The following KIF26B variants were observed in gnomAD, a reference collection of about 807,000 sequenced individuals.
The protein encoded by KIF26B is kinesin-like protein KIF26B.
A neutral mutation model predicts 151.2 loss-of-function variants in KIF26B; 63 were observed. That is an observed-to-expected ratio of 0.42 (90% CI 0.34 to 0.51). KIF26B has a LOEUF of 0.51. Ranked by LOEUF, KIF26B falls within the 20% of genes least tolerant of loss-of-function variation. The pLI is 0.07. For synonymous variants in KIF26B, 1,357 were observed against 1,262.1 expected, an observed-to-expected ratio of 1.08 and a Z score of -1.59; for missense variants, 2,813 against 2,913.6, an observed-to-expected ratio of 0.97 and a Z score of 0.79.
chr1:245,233,539 AG>A (rs1228957983), intron 2 of KIF26B, among the ~76,000 whole-genome samples: 1 of 152,202 alleles, frequency 6.6e-6, no homozygotes, highest in Non-Finnish European at 1.5e-5. Context: ...GAAGATACCC[AG>A]GTGACTTGTA....
intron 2 of KIF26B, among the ~76,000 whole-genome samples, chr1:245,264,098 C>T (rs1445549602): frequency 2.6e-5 from 4 of 152,154 alleles, no homozygotes; most frequent in Non-Finnish European, 5.9e-5. Flanking sequence ...TTGCTAGACA[C>T]AATAGTGTAT....
chr1:245,394,485 T>A (rs1382139865), intron 3 of KIF26B, among the ~76,000 whole-genome samples: 7 of 151,918 alleles, frequency 4.6e-5, no homozygotes, highest in Admixed American at 4.6e-4. Flanking sequence ...TAACCAGGCG[T>A]GGTGGCACAG....
chr1:245,596,077 C>T (rs1014628577), intron 5 of KIF26B, among the ~76,000 whole-genome samples: 10 of 152,126 alleles, frequency 6.6e-5, no homozygotes, highest in East Asian at 5.8e-4. Flanking sequence ...GTCTGGCTAG[C>T]GGTCTATTTT....
chr1:245,256,126 G>A (rs996908037), intron 2 of KIF26B, among the ~76,000 whole-genome samples: 37 of 152,220 alleles, frequency 2.4e-4, no homozygotes, highest in African/African-American at 8.2e-4. Flanking sequence ...GCCCTTCTCA[G>A]CTGTGTGACT....
intron 4 of KIF26B, among the ~76,000 whole-genome samples, chr1:245,517,095 G>A (rs758959245): frequency 3.9e-5 from 6 of 152,238 alleles, no homozygotes; most frequent in Non-Finnish European, 8.8e-5. Flanking sequence ...GCCGGGTGTG[G>A]TGGCTCACAC....
intron 2 of KIF26B, among the ~76,000 whole-genome samples, chr1:245,199,129 G>A (rs1233500164): frequency 6.6e-6 from 1 of 152,032 alleles, no homozygotes; most frequent in Non-Finnish European, 1.5e-5. Context: ...CAGAGCTAAG[G>A]CAAGACGCAG....
chr1:245,686,227 C>A lies in KIF26B; in HGVS notation c.3244C>A (p.Pro1082Thr). 1 of 1,612,730 alleles carries A rather than the reference C, an allele frequency of 6.2e-7. No homozygotes were observed. The highest frequency in any genetic ancestry group is 8.5e-7 in the Non-Finnish European group (1 of 1,179,900). ...GTCCAAGACCTCGGAGTACAAGCCA[C>A]CCAGCTCTCCTTCCCAGAGATGCAA... The part of the protein sequence containing the change: ...SLSKTSEYKP[P>T]SSPSQRCKVY... The change falls in exon 12 of 15, where the codon CCC becomes ACC. Residue 1082 changes from proline (P) to threonine (T), a missense_variant. Physicochemically the swap from Pro to Thr is conservative, Grantham distance 38 (BLOSUM62 -1). Coordinates refer to ENST00000407071, the MANE Select transcript of KIF26B (RefSeq NM_018012.4). The surrounding 1 kb of genome is among the most constrained non-coding windows in gnomAD (Gnocchi z 5.6).
chr1:245,556,830 TCCCCAGCCAAGC>T (rs1353551002), intron 5 of KIF26B, among the ~76,000 whole-genome samples: 1 of 152,152 alleles, frequency 6.6e-6, no homozygotes. Flanking sequence ...CAAGCCACCA[TCCCCAGCCAAGC>T]ACATTAATCT....
At chr1:245,475,978 T>C (rs1213039698) in intron 4 of KIF26B, among the ~76,000 whole-genome samples, 2 of 151,790 alleles carry the variant, frequency 1.3e-5, no homozygotes, top group East Asian at 1.9e-4. Flanking sequence ...GCAGCGTTAG[T>C]CAAAATAGCC....
intron 2 of KIF26B, among the ~76,000 whole-genome samples, chr1:245,207,600 C>T (rs73127123): frequency 0.026 from 3,945 of 152,174 alleles, 141 homozygotes; most frequent in African/African-American, 0.084. Context: ...CCCTAAGGAC[C>T]GGTGGGAGAG....
intron 2 of KIF26B, among the ~76,000 whole-genome samples, chr1:245,355,601 A>C (rs1463598102): frequency 1.0e-4 from 15 of 144,132 alleles, no homozygotes; most frequent in Non-Finnish European, 1.8e-4. Flanking sequence ...GTCTCAAAAA[A>C]AAAAAAAAAA....
chr1:245,392,876 A>C (rs1673735112), intron 3 of KIF26B, among the ~76,000 whole-genome samples: 1 of 151,886 alleles, frequency 6.6e-6, no homozygotes, highest in Admixed American at 6.6e-5. Flanking sequence ...TGTCTAGTTT[A>C]AAAATTTTGG....
chr1:245,593,195 C>A (rs537842096), intron 5 of KIF26B, among the ~76,000 whole-genome samples: 4 of 152,230 alleles, frequency 2.6e-5, no homozygotes, highest in Admixed American at 2.0e-4. Flanking sequence ...ATTATACTTT[C>A]AGTTCTGGGA....
chr1:245,599,538 G>A (rs2043369728), intron 5 of KIF26B, among the ~76,000 whole-genome samples: 1 of 152,186 alleles, frequency 6.6e-6, no homozygotes, highest in South Asian at 2.1e-4. Flanking sequence ...GCCTGGCTGA[G>A]CTCATATTTT....
At chr1:245,519,798 C>T (rs1012452698) in intron 4 of KIF26B, among the ~76,000 whole-genome samples, 3 of 152,054 alleles carry the variant, frequency 2.0e-5, no homozygotes, top group Admixed American at 1.3e-4. Flanking sequence ...CATATCTAAA[C>T]ACAGAAAAGG....
intron 2 of KIF26B, among the ~76,000 whole-genome samples, chr1:245,277,596 G>A (rs370656491): frequency 6.6e-6 from 1 of 151,938 alleles, no homozygotes; most frequent in South Asian, 2.1e-4. Context: ...ATTTTTAGGG[G>A]GATTAATATA....
chr1:245,649,558 G>C (rs1489956480), intron 10 of KIF26B, among the ~76,000 whole-genome samples: 1 of 152,180 alleles, frequency 6.6e-6, no homozygotes, highest in African/African-American at 2.4e-5. Context: ...TTTGCAGTGC[G>C]TTCCTTAGAG....
At chr1:245,408,386 G>C (rs1333366045) in intron 3 of KIF26B, among the ~76,000 whole-genome samples, 3 of 100,968 alleles carry the variant, frequency 3.0e-5, no homozygotes, top group Non-Finnish European at 5.6e-5. Context: ...ACACAGTCTT[G>C]CTCTGTCACC....
chr1:245,671,926 G>T lies in KIF26B; in HGVS notation c.2259-12307G>T, dbSNP rs1415892545. On this transcript the variant is annotated intron_variant, in intron 10 of 14. Transcript: ENST00000407071. Reference sequence around the variant, plus strand: ...ATAGAGGGGTGCGTGCCCCGAGCCTGCAGAGCGGGCAGGGATGTGTAGGAA... The same window carrying T: ...ATAGAGGGGTGCGTGCCCCGAGCCTTCAGAGCGGGCAGGGATGTGTAGGAA... Among the ~76,000 whole-genome samples the T allele has an allele frequency of 2.6e-5, 4 of 152,224 alleles. 1 individual carries two copies. The highest frequency in any genetic ancestry group is 5.9e-5 in the Non-Finnish European group (4 of 68,038).
Sources: gnomAD v4.1 joint callset for allele counts (sites outside exome capture counted in the v4.1 genomes callset) on GRCh38, gnomAD v4.1.1 for gene constraint, Gnocchi (gnomAD v3.1) non-coding constraint, MANE v1.5 for transcripts, NCBI Gene and HGNC (gene_info 2026-07-23, HGNC 2026-07-21) for gene names.